TPPP2: variants seen among roughly 807,000 people sequenced by gnomAD.
TPPP2 encodes tubulin polymerization-promoting protein family member 2.
A neutral mutation model predicts 13.0 loss-of-function variants in TPPP2; 8 were observed. The ratio of observed to expected loss-of-function variants is 0.62; its 90% CI spans 0.36 to 1.11. The LOEUF is 1.11. Among genes scored for constraint, TPPP2 ranks in the 50% most tolerant of loss-of-function variants. The pLI, the probability that TPPP2 is intolerant of heterozygous loss-of-function variation, is 0.02. For missense variants in TPPP2, 213 were observed against 216.9 expected (o/e 0.98, Z 0.11); for synonymous variants, 81 against 81.8 (o/e 0.99, Z 0.05).
At chr14:21,031,584 C>A (rs984182660) in intron 3 of TPPP2, among the ~76,000 whole-genome samples, 1 of 152,028 alleles carries the variant, frequency 6.6e-6, no homozygotes, top group Non-Finnish European at 1.5e-5. Flanking sequence ...GATATTGAGT[C>A]GGGGAGTGGG....
chr14:21,034,116 T>TA (rs1884450245), downstream of TPPP2: 1 of 1,614,110 alleles, frequency 6.2e-7, no homozygotes, highest in Non-Finnish European at 8.5e-7. Flanking sequence ...GCCTCGCATA[T>TA]AGGACATCAG....
Position 21,031,930 on chromosome 14 carries a change from C to T in TPPP2, c.366C>T (p.Asp122=). 6.2e-7 allele frequency: 1 copy of T among 1,614,186 alleles called. No homozygotes were observed. Among genetic ancestry groups the T allele is most frequent in the Non-Finnish European group, 8.5e-7 (1 of 1,180,024 alleles). ...TGGGTGCAGTGGACCGTTTGACAGA[C>T]ACCAGCAAGTACACCGGCACCCACA... is the stretch of plus-strand genomic sequence containing the variant. The part of the protein sequence containing the change: ...TTVGAVDRLT[D]TSKYTGTHKE... The change falls in exon 4 of 4, where the codon GAC becomes GAT. Residue 122 remains aspartate, a synonymous_variant. Coordinates refer to ENST00000321760, the MANE Select transcript of TPPP2 (RefSeq NM_173846.5).
intron 3 of TPPP2, 25 bp from the exon 4 acceptor site, chr14:21,031,867 G>A: frequency 6.2e-7 from 1 of 1,608,550 alleles, no homozygotes; most frequent in Non-Finnish European, 8.5e-7. Context: ...AAGGAAGAGA[G>A]CTCAAATCCA....
In TPPP2 at chr14:21,032,159, G is replaced by T; in HGVS notation, c.*82G>T. The T allele has an allele frequency of 7.1e-7, 1 of 1,415,816 alleles. No individual in the cohort carries two copies. The highest frequency in any genetic ancestry group is 9.9e-7 in the Non-Finnish European group (1 of 1,008,448). 87.7% of individuals were successfully genotyped at this position (1,415,816 alleles called of 1,614,324 possible). A position where few individuals can be genotyped will look rare whatever the true frequency, so the allele number is the denominator to read the frequency against. On this transcript the variant is annotated 3_prime_UTR_variant, in exon 4 of 4. Transcript: ENST00000321760. ...AGCTTGGAAAACAATAAACATCTGT[G>T]TGTGCAGCAGCCAAAATCTCTGTCT... is the stretch of plus-strand genomic sequence containing the variant.
Position 21,025,147 on chromosome 14 carries a change from C to T in TPPP2, n.236+803C>T, listed in dbSNP as rs1328615362. The T allele has an allele frequency of 5.2e-6, 5 of 968,706 alleles. No homozygotes were observed. Among genetic ancestry groups the T allele is most frequent in the Non-Finnish European group, 6.1e-6 (5 of 814,722 alleles). The allele number at this position is 968,706 out of a possible 1,614,324, so 60.0% of individuals were successfully genotyped here. A position where few individuals can be genotyped will look rare whatever the true frequency, so the allele number is the denominator to read the frequency against. The stretch of plus-strand genomic sequence containing the variant: ...AGCCCGCCCACGGGCGCTAGGCTCC[C>T]CGCAGACCCGCCCCAGACCCCCAGT... On this transcript the variant is annotated intron_variant and non_coding_transcript_variant, in intron 1 of 1. Coordinates refer to the TPPP2 transcript ENST00000533755. This position sits in a 1 kb window ranked among gnomAD's most constrained non-coding sequence, Gnocchi z 5.1.
Position 21,032,115 on chromosome 14 carries a change from T to C in TPPP2, c.*38T>C. On this transcript the variant is annotated 3_prime_UTR_variant, in exon 4 of 4. Coordinates refer to ENST00000321760, the MANE Select transcript of TPPP2 (RefSeq NM_173846.5). ...TCTCAGCCTGCTAGCCCCCTGACCC[T>C]GCATGTTTAACACCAGGGAGCTTGG... 6.3e-7 allele frequency: 1 copy of C among 1,595,878 alleles called. No homozygotes were observed. Among genetic ancestry groups the C allele is most frequent in the Non-Finnish European group, 8.6e-7 (1 of 1,165,580 alleles).
At chr14:21,027,521 C>T (rs1883774592), upstream of TPPP2, among the ~76,000 whole-genome samples, 1 of 152,190 alleles carries the variant, frequency 6.6e-6, no homozygotes, top group Non-Finnish European at 1.5e-5. Flanking sequence ...TAGTTTCCCA[C>T]CCTTCTCAAG....
chr14:21,035,416 C>T (rs1884554554), downstream of TPPP2, among the ~76,000 whole-genome samples: 1 of 152,224 alleles, frequency 6.6e-6, no homozygotes, highest in Non-Finnish European at 1.5e-5. Flanking sequence ...GGGCCACGCT[C>T]CTATCTTTTT....
chr14:21,034,284 G>A, downstream of TPPP2: 2 of 1,608,418 alleles, frequency 1.2e-6, no homozygotes, highest in South Asian at 1.1e-5. Flanking sequence ...CACAGCTGGT[G>A]CCATTCCTCC....
chr14:21,029,786 G>A (rs1883935197), upstream of TPPP2, among the ~76,000 whole-genome samples: 1 of 152,092 alleles, frequency 6.6e-6, no homozygotes, highest in Non-Finnish European at 1.5e-5. Flanking sequence ...CAGCAAGAAG[G>A]TGCCATCTAT....
At chr14:21,033,634 C>T, downstream of TPPP2, 2 of 612,198 alleles carry the variant, frequency 3.3e-6, no homozygotes, top group East Asian at 2.8e-5. Flanking sequence ...CTGGAAAGAA[C>T]CTAGAAGATA....
At chr14:21,036,316 T>G, downstream of TPPP2, 1 of 455,210 alleles carries the variant, frequency 2.2e-6, no homozygotes, top group South Asian at 1.6e-5. Flanking sequence ...AAGTCTGCAA[T>G]AGCTTGTTTC....
upstream of TPPP2, among the ~76,000 whole-genome samples, chr14:21,028,114 G>A (rs1326909982): frequency 6.6e-6 from 1 of 151,990 alleles, no homozygotes; most frequent in Non-Finnish European, 1.5e-5. Context: ...TCCCCACCCC[G>A]GTCCATTCCA....
downstream of TPPP2, chr14:21,033,018 A>G: frequency 2.2e-6 from 1 of 454,528 alleles, no homozygotes; most frequent in South Asian, 1.6e-5. Flanking sequence ...CAGACTCTGG[A>G]GTCTGGGGGA....
chr14:21,029,516 G>C (rs1320547435), upstream of TPPP2, among the ~76,000 whole-genome samples: 2 of 152,186 alleles, frequency 1.3e-5, no homozygotes, highest in Non-Finnish European at 2.9e-5. Context: ...AGAGTCGCTT[G>C]AATCCTGGGA....
downstream of TPPP2, chr14:21,035,731 C>T (rs2139097240): frequency 2.2e-6 from 1 of 455,508 alleles, no homozygotes; most frequent in South Asian, 1.6e-5. Flanking sequence ...CAGCACAAAC[C>T]ACAGTCCAAA....
intron 2 of TPPP2, 23 bp from the exon 3 acceptor site, chr14:21,030,989 T>G (rs1264616543): frequency 1.3e-6 from 2 of 1,585,996 alleles, no homozygotes; most frequent in South Asian, 2.3e-5. Flanking sequence ...CCAAAGTTTC[T>G]GGATTTCTGT....
downstream of TPPP2, chr14:21,033,837 C>A (rs778629862): frequency 1.2e-6 from 2 of 1,611,606 alleles, no homozygotes; most frequent in African/African-American, 2.7e-5. Context: ...CGAATAGAGA[C>A]CAGCGATACC....
upstream of TPPP2, chr14:21,025,310 C>T: frequency 2.1e-6 from 2 of 964,724 alleles, no homozygotes; most frequent in Non-Finnish European, 2.5e-6. This position sits in a 1 kb window ranked among gnomAD's most constrained non-coding sequence, Gnocchi z 5.1. Context: ...CCCCTCCCCG[C>T]ATTGGGGCGG....
Sources: allele counts gnomAD v4.1 joint callset (sites outside exome capture counted in the v4.1 genomes callset), GRCh38; gene constraint gnomAD v4.1.1; non-coding constraint Gnocchi (gnomAD v3.1); transcripts MANE v1.5; gene names NCBI Gene and HGNC (gene_info 2026-07-23, HGNC 2026-07-21).